Variants in FRAS1 observed in about 807,000 individuals in gnomAD.
FRAS1 encodes Fraser extracellular matrix complex subunit 1.
A neutral mutation model predicts 435.2 loss-of-function variants in FRAS1; 290 were observed. That is an observed-to-expected ratio of 0.67 (90% CI 0.61 to 0.73). FRAS1 has a LOEUF of 0.73. Among genes scored for constraint, FRAS1 ranks in the 30% least tolerant of loss-of-function variants. FRAS1 has a pLI of 0.00. For missense variants in FRAS1, 4,860 were observed against 5,001.5 expected, an observed-to-expected ratio of 0.97 and a Z score of 0.85; for synonymous variants, 1,800 against 1,851.0, an observed-to-expected ratio of 0.97 and a Z score of 0.71.
rs1268816473 is a variant in FRAS1, at chr4:78,522,716, A to G, written c.10716A>G (p.Leu3572=). The change falls in exon 69 of 74, where the codon CTA becomes CTG. Residue 3572 remains leucine (L), a synonymous_variant. Coordinates refer to ENST00000512123, the MANE Select transcript of FRAS1 (RefSeq NM_025074.7). The part of the protein sequence containing the change: ...VKSFVLTPDH[L]GGIEFDLQLL... Reference sequence around the variant, plus strand: ...CTTTCGTATTGACTCCAGACCACCTAGGAGGAATTGAATTTGACTTGCAGC... The same window carrying G: ...CTTTCGTATTGACTCCAGACCACCTGGGAGGAATTGAATTTGACTTGCAGC... The G allele has an allele frequency of 6.2e-7, 1 of 1,611,606 alleles. No homozygotes were observed.
At chr4:78,148,873 C>A (rs1406202357) in intron 2 of FRAS1, among the ~76,000 whole-genome samples, 1 of 152,196 alleles carries the variant, frequency 6.6e-6, no homozygotes, top group East Asian at 1.9e-4. Flanking sequence ...GAGAGGCATA[C>A]ACCAGCAGAA....
At chr4:78,328,280 A>C (rs890273628) in intron 18 of FRAS1, among the ~76,000 whole-genome samples, 4 of 152,202 alleles carry the variant, frequency 2.6e-5, no homozygotes, top group African/African-American at 7.2e-5. Flanking sequence ...ATCTTTCTCT[A>C]GTTTTTAATT....
chr4:78,063,001 C>T (rs922972697), intron 1 of FRAS1, among the ~76,000 whole-genome samples: 2 of 152,166 alleles, frequency 1.3e-5, no homozygotes, highest in Non-Finnish European at 2.9e-5. Flanking sequence ...GAGGGAGGCT[C>T]ATTTCTTCTT....
rs1560546125 is a variant in FRAS1 at position 78,140,713 on chromosome 4, G to GTGTATATGTATACGCATATACATA, written c.108+74700_108+74701insATATGTATACGCATATACATATGT. Among the ~76,000 whole-genome samples the GTGTATATGTATACGCATATACATA allele has an allele frequency of 1.3e-3, 103 of 80,238 alleles. 1 individual carries two copies. Among genetic ancestry groups the GTGTATATGTATACGCATATACATA allele is most frequent in the African/African-American group, 7.3e-3 (95 of 12,944 alleles). 52.6% of individuals were successfully genotyped at this position (80,238 alleles called of 152,430 possible). A position where few individuals can be genotyped will look rare whatever the true frequency, so the allele number is the denominator to read the frequency against. On this transcript the variant is annotated intron_variant, in intron 2 of 73. Transcript: ENST00000512123. Reference sequence around the variant, plus strand: ...TACATATGTGTATATGCATATACGTGTGTGTATATGTATATACGTGTGTGT... The same window carrying GTGTATATGTATACGCATATACATA: ...TACATATGTGTATATGCATATACGTGTGTATATGTATACGCATATACATATGTGTATATGTATATACGTGTGTGT...
At chr4:78,267,720 G>A (rs1181325662) in intron 9 of FRAS1, among the ~76,000 whole-genome samples, 1 of 152,222 alleles carries the variant, frequency 6.6e-6, no homozygotes, top group Non-Finnish European at 1.5e-5. Context: ...TGGGACATTA[G>A]CCTATCAGGC....
At chr4:78,444,325 C>T (rs7678731) in intron 41 of FRAS1, 67,365 of 211,864 alleles carry the variant, frequency 0.32, 12,396 homozygotes, top group Admixed American at 0.41. Context: ...CCTCTCTCAG[C>T]TTCTGTTGCC....
chr4:78,413,884 G>A (rs553722499), intron 32 of FRAS1, among the ~76,000 whole-genome samples: 3 of 152,266 alleles, frequency 2.0e-5, no homozygotes, highest in African/African-American at 7.2e-5. Context: ...CCCTCTGTCT[G>A]GGGAGGGGAG....
At chr4:78,171,601 C>A (rs973344231) in intron 2 of FRAS1, among the ~76,000 whole-genome samples, 1 of 152,126 alleles carries the variant, frequency 6.6e-6, no homozygotes. Flanking sequence ...CGGGGACTCC[C>A]TTTGTAGCTT....
chr4:78,433,042 C>T (rs1000876747), intron 38 of FRAS1, among the ~76,000 whole-genome samples: 1 of 152,200 alleles, frequency 6.6e-6, no homozygotes, highest in African/African-American at 2.4e-5. Context: ...CAGGTCTAGT[C>T]TAGATGGAAT....
At position 78,229,228 on chromosome 4, in the gene FRAS1, A is replaced by C. The variant is rs930122594; in HGVS notation, c.109-8282A>C. On this transcript the variant is annotated intron_variant, in intron 2 of 73. Transcript: ENST00000512123. ...CTGTAAAATGGAGATGATAAAATCT[A>C]TCTCAAAGGTTTTAGGAAGAAATAA... 2.4e-4 allele frequency among the ~76,000 whole-genome samples: 37 copies of C among 152,216 alleles called. 1 individual carries two copies. In the East Asian group the frequency reaches 5.8e-3, roughly 24 times the overall value.
At chr4:78,442,687 G>A (rs1734704550) in intron 41 of FRAS1, among the ~76,000 whole-genome samples, 1 of 152,178 alleles carries the variant, frequency 6.6e-6, no homozygotes, top group African/African-American at 2.4e-5. Context: ...TCAAATTTCT[G>A]GCAAGCTTCA....
intron 2 of FRAS1, among the ~76,000 whole-genome samples, chr4:78,156,186 G>C (rs1464039733): frequency 1.3e-5 from 2 of 152,098 alleles, no homozygotes; most frequent in Admixed American, 1.3e-4. Context: ...TTGTAAGGTG[G>C]GACTAAATTG....
chr4:78,407,326 TCA>T (rs1354801793), intron 30 of FRAS1, among the ~76,000 whole-genome samples: 25 of 152,234 alleles, frequency 1.6e-4, no homozygotes, highest in Admixed American at 1.6e-3. Flanking sequence ...ATGAATCCAT[TCA>T]ATGCCCAGTA....
chr4:78,397,391 T>A (rs1396081057), intron 29 of FRAS1, among the ~76,000 whole-genome samples: 1 of 152,166 alleles, frequency 6.6e-6, no homozygotes, highest in African/African-American at 2.4e-5. Flanking sequence ...GTAATCAAGG[T>A]TGCGTGCCTT....
intron 2 of FRAS1, among the ~76,000 whole-genome samples, chr4:78,120,011 G>T (rs943938881): frequency 1.3e-5 from 2 of 152,142 alleles, no homozygotes; most frequent in Non-Finnish European, 2.9e-5. Flanking sequence ...TGTAAAATAT[G>T]TCTCTTTGTT....
chr4:78,443,778 C>T (rs932839684), intron 41 of FRAS1, among the ~76,000 whole-genome samples: 4 of 152,164 alleles, frequency 2.6e-5, no homozygotes, highest in Non-Finnish European at 5.9e-5. Flanking sequence ...TGTTTAATAG[C>T]TTGTTCTCCA....
At chr4:78,164,541 G>T (rs993629360) in intron 2 of FRAS1, among the ~76,000 whole-genome samples, 1 of 151,816 alleles carries the variant, frequency 6.6e-6, no homozygotes, top group African/African-American at 2.4e-5. Flanking sequence ...CTTCTAAAGG[G>T]AAAAAATCTT....
In FRAS1 at chr4:78,539,441, G is replaced by T; in HGVS notation, c.11445+1G>T. Reference sequence around the variant, plus strand: ...TCTAAAAGTAGATGCACTCTATAAGGTGAGTTTGGTGAGAAGAACAGAAGC... The same window carrying T: ...TCTAAAAGTAGATGCACTCTATAAGTTGAGTTTGGTGAGAAGAACAGAAGC... On this transcript the variant is annotated splice_donor_variant, in intron 73 of 73. Transcript: ENST00000512123. LOFTEE classifies it high-confidence loss of function. 6.3e-7 allele frequency: 1 copy of T among 1,594,666 alleles called. No individual in the cohort carries two copies. The highest frequency in any genetic ancestry group is 8.5e-7 in the Non-Finnish European group (1 of 1,171,370).
intron 25 of FRAS1, among the ~76,000 whole-genome samples, chr4:78,375,255 C>G (rs1348479663): frequency 6.6e-6 from 1 of 152,022 alleles, no homozygotes; most frequent in Non-Finnish European, 1.5e-5. Flanking sequence ...AAAATTGAGC[C>G]CTTCCTGTGT....
Sources: allele counts gnomAD v4.1 joint callset (sites outside exome capture counted in the v4.1 genomes callset), GRCh38; gene constraint gnomAD v4.1.1; transcripts MANE v1.5; gene names NCBI Gene and HGNC (gene_info 2026-07-23, HGNC 2026-07-21).